The following ZNF592 variants were observed in gnomAD, a reference collection of about 807,000 sequenced individuals.
ZNF592 encodes zinc finger protein 592.
In ZNF592, 11 loss-of-function variants were observed where a neutral mutation model predicts 80.3. That is an observed-to-expected ratio of 0.14 (90% CI 0.09 to 0.23). ZNF592 has a LOEUF of 0.23. Ranked by LOEUF, ZNF592 falls within the 10% of genes least tolerant of loss-of-function variation. The pLI is 1.00. For synonymous variants in ZNF592, 646 were observed against 640.3 expected, an observed-to-expected ratio of 1.01 and a Z score of -0.13; for missense variants, 1,420 against 1,633.9, an observed-to-expected ratio of 0.87 and a Z score of 2.26.
In ZNF592 at chr15:84,783,417, C is replaced by T. The variant is rs763608578; in HGVS notation, c.742C>T (p.Pro248Ser). 9 of 1,614,200 alleles carry T rather than the reference C, an allele frequency of 5.6e-6. No individual in the cohort carries two copies. Among genetic ancestry groups the T allele is most frequent in the Non-Finnish European group, 7.6e-6 (9 of 1,180,032 alleles). ...FGEALEFNSHPSNSIGESKGL... is the reference protein window; with the variant it reads ...FGEALEFNSHSSNSIGESKGL... ...GGAAGCTTTGGAGTTCAACAGCCATCCTAGCAACAGTATTGGAGAGTCCAA... is the reference window on the plus strand; with the variant it reads ...GGAAGCTTTGGAGTTCAACAGCCATTCTAGCAACAGTATTGGAGAGTCCAA... The change falls in exon 4 of 11, where the codon CCT becomes TCT. Residue 248 changes from proline to serine, a missense_variant. Pro to Ser is a moderately conservative substitution (Grantham distance 74). Coordinates refer to ENST00000560079, the MANE Select transcript of ZNF592 (RefSeq NM_014630.3). The surrounding 1 kb of genome is among the most constrained non-coding windows in gnomAD (Gnocchi z 5.0).
At position 84,784,315 on chromosome 15, in the gene ZNF592, C is replaced by T; in HGVS notation, c.1640C>T (p.Ala547Val). The change falls in exon 4 of 11, where the codon GCT becomes GTT. Residue 547 changes from alanine to valine, a missense_variant. By Grantham distance (64) the Ala-to-Val change is moderately conservative. Coordinates refer to ENST00000560079, the MANE Select transcript of ZNF592 (RefSeq NM_014630.3). This position sits in a 1 kb window ranked among gnomAD's most constrained non-coding sequence, Gnocchi z 5.8. ...SVPLVHQVKK[A>V]APLIVEVFNK... The stretch of plus-strand genomic sequence containing the variant: ...CCCCTGGTCCACCAGGTGAAAAAGG[C>T]TGCCCCACTGATTGTAGAGGTCTTC... The T allele has an allele frequency of 6.2e-7, 1 of 1,614,260 alleles. No individual in the cohort carries two copies. The highest frequency in any genetic ancestry group is 8.5e-7 in the Non-Finnish European group (1 of 1,180,042).
chr15:84,780,400 A>C (rs1446418163), intron 3 of ZNF592, among the ~76,000 whole-genome samples: 2 of 152,208 alleles, frequency 1.3e-5, no homozygotes, highest in Non-Finnish European at 2.9e-5. Context: ...CTAGTAGGTC[A>C]CTTGGTATTG....
intron 2 of ZNF592, among the ~76,000 whole-genome samples, chr15:84,775,407 G>GTGTTGT (rs60816926): frequency 3.0e-4 from 45 of 150,626 alleles, no homozygotes; most frequent in South Asian, 4.2e-4. Context: ...ATCATACTGG[G>GTGTTGT]TGTTGTTGTT....
chr15:84,752,356 G>A (rs1337323822), intron 1 of ZNF592, among the ~76,000 whole-genome samples: 1 of 152,196 alleles, frequency 6.6e-6, no homozygotes, highest in East Asian at 1.9e-4. Context: ...GAGTTACAGT[G>A]TACTTAAGTT....
rs1962977431 is a variant in ZNF592 at position 84,798,212 on chromosome 15, G to A, written c.2577-103G>A. ...AGGGGAGCATCCACATTGGCTCAGG[G>A]TAGTGCTTTCCCAAACTTGACCCTG... is the stretch of plus-strand genomic sequence containing the variant. On this transcript the variant is annotated intron_variant, in intron 6 of 10. Transcript: ENST00000560079. The surrounding 1 kb of genome is among the most constrained non-coding windows in gnomAD (Gnocchi z 4.5). 3.8e-6 allele frequency: 6 copies of A among 1,589,252 alleles called. No individual in the cohort carries two copies. In the South Asian group the frequency reaches 6.7e-5, roughly 18 times the overall value.
At chr15:84,777,178 C>T (rs902065203) in intron 2 of ZNF592, among the ~76,000 whole-genome samples, 5 of 150,146 alleles carry the variant, frequency 3.3e-5, no homozygotes, top group Non-Finnish European at 5.9e-5. Context: ...AAAATTTTTA[C>T]ATTTAAAAAA....
intron 5 of ZNF592, 134 bp from the exon 6 acceptor site, chr15:84,797,735 C>T: frequency 9.7e-7 from 1 of 1,025,896 alleles, no homozygotes. Flanking sequence ...GGGTGGAAGT[C>T]CAAGTGATTG....
chr15:84,784,485 C>G lies in ZNF592; in HGVS notation c.1810C>G (p.Gln604Glu). ...DAFALEKSLSQHYGRRSVHIE... is the reference protein window; with the variant it reads ...DAFALEKSLSEHYGRRSVHIE... The stretch of plus-strand genomic sequence containing the variant: ...ATTTGCCTTAGAGAAGAGCCTGAGC[C>G]AGCACTATGGCCGGCGGAGCGTCCA... The change falls in exon 4 of 11, where the codon CAG becomes GAG. Residue 604 changes from glutamine to glutamate, a missense_variant. This residue lies in a region of ZNF592 where 524 missense variants were observed against 628.3 expected (regional missense o/e 0.83). Transcript: ENST00000560079. This position sits in a 1 kb window ranked among gnomAD's most constrained non-coding sequence, Gnocchi z 5.8. The G allele has an allele frequency of 6.2e-6, 10 of 1,614,220 alleles. No individual in the cohort carries two copies. The highest frequency in any genetic ancestry group is 8.5e-6 in the Non-Finnish European group (10 of 1,180,042).
intron 2 of ZNF592, among the ~76,000 whole-genome samples, chr15:84,777,455 G>T (rs1962287860): frequency 7.0e-6 from 1 of 142,484 alleles, no homozygotes; most frequent in South Asian, 2.2e-4. Flanking sequence ...CAGACTGGGT[G>T]ACAGGGCAAG....
In ZNF592 at chr15:84,798,695, C is replaced by T; in HGVS notation, c.2844C>T (p.Ala948=). The change falls in exon 8 of 11, where the codon GCC becomes GCT. Residue 948 remains alanine, a synonymous_variant. Transcript: ENST00000560079. The surrounding 1 kb of genome is among the most constrained non-coding windows in gnomAD (Gnocchi z 4.5). ...CTCGAGTTCCCACTGAGCCACCAGC[C>T]ACTAGTGTGGCTGCTCGGAGCAGCT... ...PGSRVPTEPP[A]TSVAARSSSL... 6.2e-7 allele frequency: 1 copy of T among 1,613,752 alleles called. No homozygotes were observed.
rs190656079 is a variant in ZNF592 at position 84,787,996 on chromosome 15, T to C, written c.2221-2709T>C. On this transcript the variant is annotated intron_variant, in intron 4 of 10. Transcript: ENST00000560079. ...ATTCTGGGTTTAACTGATTGCTTCC[T>C]AAGTTTTCCAGAACTTTGAGTTTTA... is the stretch of plus-strand genomic sequence containing the variant. Among the ~76,000 whole-genome samples, 24 of 152,362 alleles carry C rather than the reference T, an allele frequency of 1.6e-4. No homozygotes were observed. The East Asian group carries it at 4.6e-3, about 29-fold the overall frequency.
intron 2 of ZNF592, among the ~76,000 whole-genome samples, chr15:84,770,952 G>A (rs1899681484): frequency 6.6e-6 from 1 of 152,128 alleles, no homozygotes; most frequent in Non-Finnish European, 1.5e-5. Flanking sequence ...GGTTGGCGTG[G>A]AAAAGGCATG....
chr15:84,797,814 G>C, intron 5 of ZNF592, 55 bp from the exon 6 acceptor site: 1 of 1,600,870 alleles, frequency 6.2e-7, no homozygotes, highest in Non-Finnish European at 8.6e-7. Context: ...CACCACCTCT[G>C]GGTCCAGTAC....
chr15:84,799,265 T>A lies in ZNF592; in HGVS notation c.3137+55T>A. 6.6e-7 allele frequency: 1 copy of A among 1,519,066 alleles called. No individual in the cohort carries two copies. The highest frequency in any genetic ancestry group is 9.1e-7 in the Non-Finnish European group (1 of 1,093,492). 94.1% of individuals were successfully genotyped at this position (1,519,066 alleles called of 1,614,324 possible). The stretch of plus-strand genomic sequence containing the variant: ...CCTGAGGTTCAAAAGACTCTGTCCG[T>A]GGCACCACTGGGGCTTTTCTGTGCT... On this transcript the variant is annotated intron_variant, in intron 9 of 10. Transcript: ENST00000560079. The surrounding 1 kb of genome is among the most constrained non-coding windows in gnomAD (Gnocchi z 4.2).
Position 84,798,331 on chromosome 15 carries a change from T to C in ZNF592, c.2593T>C (p.Ser865Pro). ...TCTCATCAGGCTCATTTATAAGTGC[T>C]CCTGTGAAATGGTCTTCAACAAGAA... ...HRPSQLIYKCSCEMVFNKKRH... is the reference protein window; with the variant it reads ...HRPSQLIYKCPCEMVFNKKRH... Residue 865 changes from serine to proline, a missense_variant, in exon 7 of 11, where the codon TCC becomes CCC. Physicochemically the swap from Ser to Pro is moderately conservative, Grantham distance 74. Around this residue, in one of 7 missense-constraint regions of ZNF592, gnomAD observed 331 missense variants for 347.0 expected, o/e 0.95. Coordinates refer to ENST00000560079, the MANE Select transcript of ZNF592 (RefSeq NM_014630.3). The surrounding 1 kb of genome is among the most constrained non-coding windows in gnomAD (Gnocchi z 4.5). 6.2e-7 allele frequency: 1 copy of C among 1,614,206 alleles called. No homozygotes were observed. Among genetic ancestry groups the C allele is most frequent in the East Asian group, 2.2e-5 (1 of 44,876 alleles).
chr15:84,768,692 T>C (rs900436424), intron 2 of ZNF592, among the ~76,000 whole-genome samples: 1 of 152,268 alleles, frequency 6.6e-6, no homozygotes, highest in African/African-American at 2.4e-5. Flanking sequence ...CACCCCCCAC[T>C]GATAAAATAT....
intron 2 of ZNF592, among the ~76,000 whole-genome samples, chr15:84,771,151 C>T (rs72753033): frequency 3.9e-4 from 59 of 152,166 alleles, no homozygotes; most frequent in Non-Finnish European, 7.9e-4. Flanking sequence ...AAAGACATGA[C>T]CCCCACACAG....
At chr15:84,782,368 A>G (rs1208093780) in intron 3 of ZNF592, among the ~76,000 whole-genome samples, 1 of 151,962 alleles carries the variant, frequency 6.6e-6, no homozygotes, top group East Asian at 1.9e-4. Flanking sequence ...GTAGGAGTAT[A>G]CTCTCTGTGG....
chr15:84,805,876 A>G lies in ZNF592; in HGVS notation c.*3483A>G, dbSNP rs1963224487. On this transcript the variant is annotated 3_prime_UTR_variant, in exon 11 of 11. Coordinates refer to ENST00000560079, the MANE Select transcript of ZNF592 (RefSeq NM_014630.3). ...TCTCCAGAGTTAATCACTGTTATCTATATGTTGTGTATCCTTTCATAGCAA... is the reference window on the plus strand; with the variant it reads ...TCTCCAGAGTTAATCACTGTTATCTGTATGTTGTGTATCCTTTCATAGCAA... The G allele has an allele frequency of 2.0e-5, 3 of 152,584 alleles. No homozygotes were observed. The highest frequency in any genetic ancestry group is 2.9e-5 in the Non-Finnish European group (2 of 68,026). The allele number at this position is 152,584 out of a possible 1,614,324, so 9.5% of individuals were successfully genotyped here. A position where few individuals can be genotyped will look rare whatever the true frequency, so the allele number is the denominator to read the frequency against.
Sources: gnomAD v4.1 joint callset for allele counts (sites outside exome capture counted in the v4.1 genomes callset) on GRCh38, gnomAD v4.1.1 for gene constraint, gnomAD v4.1.1 regional missense constraint, Gnocchi (gnomAD v3.1) non-coding constraint, MANE v1.5 for transcripts, NCBI Gene and HGNC (gene_info 2026-07-23, HGNC 2026-07-21) for gene names.